CCDC122: variants seen among roughly 807,000 people sequenced by gnomAD.
CCDC122 encodes coiled-coil domain-containing protein 122.
Under a neutral mutation model 37.0 loss-of-function variants are expected in CCDC122, and 38 were observed. That is an observed-to-expected ratio of 1.03 (90% CI 0.79 to 1.35). The LOEUF is 1.35. Among genes scored for constraint, CCDC122 ranks in the 40% most tolerant of loss-of-function variants. The probability of loss-of-function intolerance (pLI) is 0.00; values close to 1 mark genes in which losing one functional copy is unlikely to be tolerated. For synonymous variants in CCDC122, 83 were observed against 95.6 expected (o/e 0.87, Z 0.77); for missense variants, 305 against 310.0 (o/e 0.98, Z 0.12).
chr13:43,837,925 T>A (rs1953219539), intron 6 of CCDC122, among the ~76,000 whole-genome samples: 1 of 152,198 alleles, frequency 6.6e-6, no homozygotes, highest in South Asian at 2.1e-4. Flanking sequence ...TAGGAGTATA[T>A]TTTTGTAACA....
chr13:43,849,883 C>A (rs1953667336), intron 6 of CCDC122, among the ~76,000 whole-genome samples: 1 of 152,196 alleles, frequency 6.6e-6, no homozygotes, highest in South Asian at 2.1e-4. Context: ...TTAATCCTCT[C>A]TAAGCAGCAA....
chr13:43,844,126 T>C (rs73465511), intron 6 of CCDC122, among the ~76,000 whole-genome samples: 42 of 152,130 alleles, frequency 2.8e-4, no homozygotes, highest in African/African-American at 9.6e-4. Flanking sequence ...GAAGCTTAGA[T>C]AGTTGATTTC....
chr13:43,837,576 G>T, intron 6 of CCDC122, 147 bp from the exon 7 acceptor site: 1 of 675,472 alleles, frequency 1.5e-6, no homozygotes, highest in Non-Finnish European at 2.3e-6. Context: ...AACAGTAATT[G>T]TAAAACTGTT....
chr13:43,842,670 C>T (rs1050897075), intron 6 of CCDC122, among the ~76,000 whole-genome samples: 1 of 151,916 alleles, frequency 6.6e-6, no homozygotes, highest in Non-Finnish European at 1.5e-5. Flanking sequence ...CATAGGATAT[C>T]ATTCCATTTA....
At chr13:43,839,893 G>C (rs1471541179) in intron 6 of CCDC122, among the ~76,000 whole-genome samples, 1 of 152,220 alleles carries the variant, frequency 6.6e-6, no homozygotes, top group Non-Finnish European at 1.5e-5. Flanking sequence ...AGCAGATTCA[G>C]AGACTCCAGG....
At chr13:43,852,879 G>C (rs1953788327) in intron 6 of CCDC122, among the ~76,000 whole-genome samples, 1 of 151,912 alleles carries the variant, frequency 6.6e-6, no homozygotes, top group Admixed American at 6.6e-5. Flanking sequence ...TTCATATCCA[G>C]CCAAACTAAG....
intron 6 of CCDC122, among the ~76,000 whole-genome samples, chr13:43,844,788 T>C (rs1021997608): frequency 8.5e-5 from 13 of 152,160 alleles, no homozygotes; most frequent in African/African-American, 3.1e-4. Context: ...ACACCAGCTT[T>C]TTAAAGATTG....
At chr13:43,879,308 C>G (rs1954790331) in intron 1 of CCDC122, 1 of 153,832 alleles carries the variant, frequency 6.5e-6, no homozygotes, top group Non-Finnish European at 1.4e-5. Flanking sequence ...TGCCGCCCTG[C>G]GCCCGCTCCC....
intron 6 of CCDC122, among the ~76,000 whole-genome samples, chr13:43,850,770 T>C (rs1953700112): frequency 1.3e-5 from 2 of 152,182 alleles, no homozygotes; most frequent in South Asian, 2.1e-4. Flanking sequence ...AAGTAACTGA[T>C]GGCTGAAAAA....
At chr13:43,834,194 A>G (rs1953117459), downstream of CCDC122, among the ~76,000 whole-genome samples, 1 of 152,232 alleles carries the variant, frequency 6.6e-6, no homozygotes, top group Non-Finnish European at 1.5e-5. Context: ...ACCTGGCAAA[A>G]ACAAGAAATG....
At chr13:43,858,991 C>G (rs1191241918) in intron 5 of CCDC122, 94 bp from the exon 6 acceptor site, 1 of 1,025,664 alleles carries the variant, frequency 9.7e-7, no homozygotes, top group Non-Finnish European at 1.3e-6. Flanking sequence ...AGAAAACTAG[C>G]CAAATCAAAA....
chr13:43,875,201 AC>A (rs1403095265), intron 1 of CCDC122, among the ~76,000 whole-genome samples: 1 of 152,096 alleles, frequency 6.6e-6, no homozygotes, highest in Non-Finnish European at 1.5e-5. Flanking sequence ...AGTTATATAG[AC>A]CTTTGGTGAA....
chr13:43,871,546 C>T (rs954618231), intron 2 of CCDC122, among the ~76,000 whole-genome samples: 1 of 152,078 alleles, frequency 6.6e-6, no homozygotes. Context: ...TCATAAGAAC[C>T]CATCCTTATT....
At position 43,859,746 on chromosome 13, in the gene CCDC122, T is replaced by G; in HGVS notation, c.481A>C (p.Lys161Gln). ...ELHEKRDFVK[K>Q]LKTMKEELMQ... ...AGTTCTTCTTTCATTGTCTTTAATT[T>G]TTTAACAAAATCTCGCTTTTCATGG... Residue 161 changes from lysine to glutamine, a missense_variant, in exon 5 of 7, where the codon AAA (lysine) becomes CAA (glutamine). By Grantham distance (53) the Lys-to-Gln change is moderately conservative (BLOSUM62 1). Coordinates refer to ENST00000444614, the MANE Select transcript of CCDC122 (RefSeq NM_144974.5). 2 of 1,597,996 alleles carry G rather than the reference T, an allele frequency of 1.3e-6. No individual in the cohort carries two copies. The highest frequency in any genetic ancestry group is 1.7e-6 in the Non-Finnish European group (2 of 1,175,622).
At chr13:43,871,400 G>A (rs1193977965) in intron 2 of CCDC122, among the ~76,000 whole-genome samples, 1 of 151,850 alleles carries the variant, frequency 6.6e-6, no homozygotes. Flanking sequence ...TTACTTTCCT[G>A]GCGAGTCCCC....
intron 3 of CCDC122, among the ~76,000 whole-genome samples, chr13:43,829,469 C>G (rs575841491): frequency 2.0e-5 from 3 of 152,150 alleles, no homozygotes; most frequent in South Asian, 2.1e-4. Context: ...CTACACCTGG[C>G]TAATTTTTGT....
intron 1 of CCDC122, among the ~76,000 whole-genome samples, chr13:43,876,558 A>G (rs1202481463): frequency 1.3e-5 from 2 of 152,238 alleles, no homozygotes; most frequent in African/African-American, 2.4e-5. Flanking sequence ...TTTGTAAGTC[A>G]TAAGTGACTA....
intron 6 of CCDC122, chr13:43,848,943 T>G (rs1054888534): frequency 3.1e-5 from 30 of 971,634 alleles, no homozygotes; most frequent in Non-Finnish European, 3.5e-5. Flanking sequence ...GAATTCACCT[T>G]CTCTAAAAAC....
intron 6 of CCDC122, among the ~76,000 whole-genome samples, chr13:43,846,113 C>T (rs777871408): frequency 6.6e-5 from 10 of 151,106 alleles, no homozygotes; most frequent in Non-Finnish European, 1.2e-4. Context: ...TCACTATTGT[C>T]GCCCAGGCTG....
Sources: allele counts gnomAD v4.1 joint callset (sites outside exome capture counted in the v4.1 genomes callset), GRCh38; gene constraint gnomAD v4.1.1; transcripts MANE v1.5; gene names NCBI Gene and HGNC (gene_info 2026-07-23, HGNC 2026-07-21).